The following PHF21B variants were observed in gnomAD, a reference collection of about 807,000 sequenced individuals.
PHF21B encodes PHD finger protein 4.
A neutral mutation model predicts 62.2 loss-of-function variants in PHF21B; 22 were observed. The observed-to-expected ratio is 0.35, with a 90% confidence interval of 0.25 to 0.51. The LOEUF (loss-of-function observed/expected upper bound fraction) is 0.51. Ranked by LOEUF, PHF21B falls within the 20% of genes least tolerant of loss-of-function variation. The pLI, the probability that PHF21B is intolerant of heterozygous loss-of-function variation, is 0.97. For missense variants in PHF21B, 701 were observed against 707.9 expected, an observed-to-expected ratio of 0.99 and a Z score of 0.11; for synonymous variants, 341 against 314.7, an observed-to-expected ratio of 1.08 and a Z score of -0.88.
chr22:44,900,321 T>G (rs1278817797), intron 5 of PHF21B, among the ~76,000 whole-genome samples: 1 of 152,110 alleles, frequency 6.6e-6, no homozygotes, highest in African/African-American at 2.4e-5. Flanking sequence ...TCTCCAAAGA[T>G]TTACAACTTT....
intron 2 of PHF21B, among the ~76,000 whole-genome samples, chr22:44,960,416 G>A (rs891399627): frequency 1.3e-5 from 2 of 152,138 alleles, no homozygotes; most frequent in Non-Finnish European, 2.9e-5. Context: ...GTCCCTCAAC[G>A]ACTATGGTCA....
At chr22:44,926,227 T>G (rs1315766595) in intron 2 of PHF21B, among the ~76,000 whole-genome samples, 1 of 151,518 alleles carries the variant, frequency 6.6e-6, no homozygotes, top group Non-Finnish European at 1.5e-5. Flanking sequence ...ACACGGCATG[T>G]GGGTTCCTGG....
chr22:44,966,055 C>G (rs1334802713), intron 2 of PHF21B, among the ~76,000 whole-genome samples: 1 of 152,200 alleles, frequency 6.6e-6, no homozygotes, highest in African/African-American at 2.4e-5. Flanking sequence ...TCCAGCCATC[C>G]CTCCAGCCTG....
chr22:44,984,209 TC>T (rs2072903810), intron 2 of PHF21B, among the ~76,000 whole-genome samples: 1 of 133,022 alleles, frequency 7.5e-6, no homozygotes, highest in African/African-American at 2.9e-5. Context: ...ACTACCACCA[TC>T]ATCACCACCA....
intron 2 of PHF21B, among the ~76,000 whole-genome samples, chr22:44,936,398 C>T (rs951026414): frequency 1.3e-5 from 2 of 152,246 alleles, no homozygotes; most frequent in African/African-American, 4.8e-5. Flanking sequence ...CTGTGGCCCT[C>T]ATCTCTCCCT....
intron 2 of PHF21B, among the ~76,000 whole-genome samples, chr22:44,953,009 T>C (rs997512079): frequency 2.0e-5 from 3 of 152,152 alleles, no homozygotes; most frequent in Admixed American, 6.5e-5. Flanking sequence ...GTCTCTTCTA[T>C]AGCAGCCAGG....
chr22:44,896,883 T>TTTTTTTTTTTTG (rs373719854), intron 5 of PHF21B, among the ~76,000 whole-genome samples: 35,116 of 131,918 alleles, frequency 0.27, 7,135 homozygotes, highest in Non-Finnish European at 0.38. Flanking sequence ...TTTATCTGTT[T>TTTTTTTTTTTTG]TTTTTTTTTT....
intron 2 of PHF21B, among the ~76,000 whole-genome samples, chr22:44,964,016 T>C (rs2072475718): frequency 6.6e-6 from 1 of 152,330 alleles, no homozygotes; most frequent in Middle Eastern, 3.4e-3. Context: ...GCCCTGACCT[T>C]GGCCCCGTCC....
chr22:44,981,408 CTGT>C (rs1244779496), intron 2 of PHF21B, among the ~76,000 whole-genome samples: 1 of 152,230 alleles, frequency 6.6e-6, no homozygotes, highest in African/African-American at 2.4e-5. Context: ...GTTTACTGAT[CTGT>C]CTGCAGATCT....
At chr22:44,991,256 C>T (rs1254034657) in intron 2 of PHF21B, among the ~76,000 whole-genome samples, 1 of 152,174 alleles carries the variant, frequency 6.6e-6, no homozygotes, top group Non-Finnish European at 1.5e-5. Flanking sequence ...TTAAGAATTC[C>T]CTAAAATGGG....
chr22:44,979,382 G>A (rs2072796259), intron 2 of PHF21B, among the ~76,000 whole-genome samples: 1 of 152,264 alleles, frequency 6.6e-6, no homozygotes, highest in Non-Finnish European at 1.5e-5. Context: ...GGCACCCGAG[G>A]TCGTGCAAGG....
chr22:44,992,435 G>A (rs1312014061), intron 2 of PHF21B, among the ~76,000 whole-genome samples: 2 of 152,264 alleles, frequency 1.3e-5, no homozygotes, highest in Non-Finnish European at 2.9e-5. Context: ...CAGTATCCCA[G>A]GCCTGCCTTC....
intron 2 of PHF21B, among the ~76,000 whole-genome samples, chr22:44,961,628 G>C (rs982378719): frequency 2.0e-5 from 3 of 152,014 alleles, no homozygotes; most frequent in Non-Finnish European, 4.4e-5. Flanking sequence ...AGCACCTGAG[G>C]TCAGGAGTTC....
At chr22:45,006,157 G>C (rs1363205047) in intron 2 of PHF21B, among the ~76,000 whole-genome samples, 1 of 152,082 alleles carries the variant, frequency 6.6e-6, no homozygotes, top group African/African-American at 2.4e-5. Flanking sequence ...GCTGAACCAC[G>C]GCCGCAGCCC....
intron 5 of PHF21B, among the ~76,000 whole-genome samples, chr22:44,907,824 G>A (rs2071277958): frequency 6.6e-6 from 1 of 152,160 alleles, no homozygotes; most frequent in Non-Finnish European, 1.5e-5. Context: ...ACAATTATTA[G>A]AGGTGGGACA....
Position 44,881,872 on chromosome 22 carries a change from CA to C in PHF21B, c.*1213del, listed in dbSNP as rs2070746707. ...CCCTGGATGCAGAAGCCCTTGGCAGCAAGTCTGGTCCCCGAAGGCCGGAACC... is the reference window on the plus strand; with the variant it reads ...CCCTGGATGCAGAAGCCCTTGGCAGCAGTCTGGTCCCCGAAGGCCGGAACC... On this transcript the variant is annotated 3_prime_UTR_variant, in exon 13 of 13. Coordinates refer to ENST00000313237, the MANE Select transcript of PHF21B (RefSeq NM_138415.5). The C allele has an allele frequency of 6.7e-6, 1 of 149,556 alleles. No homozygotes were observed. The highest frequency in any genetic ancestry group is 2.5e-5 in the African/African-American group (1 of 40,146). The allele number at this position is 149,556 out of a possible 1,614,324, so 9.3% of individuals were successfully genotyped here. A position where few individuals can be genotyped will look rare whatever the true frequency, so the allele number is the denominator to read the frequency against.
At chr22:44,888,692 C>T (rs1466914716) in intron 9 of PHF21B, among the ~76,000 whole-genome samples, 1 of 152,232 alleles carries the variant, frequency 6.6e-6, no homozygotes, top group Non-Finnish European at 1.5e-5. Context: ...GAGAGCTCTC[C>T]TCTGGGATGG....
intron 2 of PHF21B, among the ~76,000 whole-genome samples, chr22:44,965,700 A>C (rs2072512104): frequency 6.6e-6 from 1 of 152,082 alleles, no homozygotes; most frequent in South Asian, 2.1e-4. Context: ...CTGGTATCTG[A>C]CCTGGGAACA....
At chr22:44,924,645 G>C (rs1380567380) in intron 2 of PHF21B, among the ~76,000 whole-genome samples, 1 of 152,190 alleles carries the variant, frequency 6.6e-6, no homozygotes, top group African/African-American at 2.4e-5. Context: ...GCCCTCATCA[G>C]GAACTGAATC....
Sources: gnomAD v4.1 joint callset for allele counts (sites outside exome capture counted in the v4.1 genomes callset) on GRCh38, gnomAD v4.1.1 for gene constraint, MANE v1.5 for transcripts, NCBI Gene and HGNC (gene_info 2026-07-23, HGNC 2026-07-21) for gene names.